ARHGAP15: variants seen among roughly 807,000 people sequenced by gnomAD.
ARHGAP15 encodes the protein Rho GTPase activating protein 15.
A neutral mutation model predicts 63.7 loss-of-function variants in ARHGAP15; 51 were observed. The ratio of observed to expected loss-of-function variants is 0.80; its 90% CI spans 0.64 to 1.01. The LOEUF is 1.01. ARHGAP15 is among the 50% of genes least tolerant of loss of function. The probability of loss-of-function intolerance (pLI) is 0.00; values close to 1 mark genes in which losing one functional copy is unlikely to be tolerated. For missense variants in ARHGAP15, 560 were observed against 564.6 expected, an observed-to-expected ratio of 0.99 and a Z score of 0.08; for synonymous variants, 191 against 193.8, an observed-to-expected ratio of 0.99 and a Z score of 0.12.
chr2:143,365,875 T>C (rs1686273027), intron 6 of ARHGAP15, among the ~76,000 whole-genome samples: 1 of 152,200 alleles, frequency 6.6e-6, no homozygotes, highest in Non-Finnish European at 1.5e-5. Flanking sequence ...ACCAGGTACA[T>C]ACTAAGAACT....
intron 11 of ARHGAP15, among the ~76,000 whole-genome samples, chr2:143,574,494 TA>T (rs1696590955): frequency 6.6e-6 from 1 of 151,608 alleles, no homozygotes; most frequent in Non-Finnish European, 1.5e-5. Context: ...ATAATAAAAT[TA>T]AAAAATAATA....
chr2:143,365,181 T>C (rs2105344951), intron 6 of ARHGAP15, among the ~76,000 whole-genome samples: 1 of 152,344 alleles, frequency 6.6e-6, no homozygotes. Flanking sequence ...ACCCAATTTG[T>C]GTTAAAACCT....
intron 6 of ARHGAP15, among the ~76,000 whole-genome samples, chr2:143,360,313 A>T (rs1349436351): frequency 6.6e-6 from 1 of 151,966 alleles, no homozygotes; most frequent in African/African-American, 2.4e-5. Context: ...TTAGCCCAAG[A>T]GTTTGAGGTT....
intron 2 of ARHGAP15, among the ~76,000 whole-genome samples, chr2:143,201,305 T>A (rs1055794916): frequency 6.6e-6 from 1 of 151,826 alleles, no homozygotes; most frequent in South Asian, 2.1e-4. Flanking sequence ...ATTTTTTTTG[T>A]AGAGTTGGAG....
intron 5 of ARHGAP15, among the ~76,000 whole-genome samples, chr2:143,233,816 G>A (rs996874905): frequency 6.6e-6 from 1 of 151,382 alleles, no homozygotes; most frequent in African/African-American, 2.4e-5. Context: ...GGCTAATTTT[G>A]GTATATTTAG....
At chr2:143,262,535 A>ATTTGTTTTTTTTTTTTTTT (rs1680774200) in intron 6 of ARHGAP15, among the ~76,000 whole-genome samples, 1 of 90,924 alleles carries the variant, frequency 1.1e-5, no homozygotes, top group African/African-American at 4.7e-5. Flanking sequence ...TGAACCTTTG[A>ATTTGTTTTTTTTTTTTTTT]TTTTTTTTTT....
intron 13 of ARHGAP15, chr2:143,766,775 T>A (rs1686959768): frequency 6.6e-6 from 1 of 152,172 alleles, no homozygotes; most frequent in African/African-American, 2.4e-5. Context: ...TAGATGGCAA[T>A]CTGGTTCGGT....
At chr2:143,191,685 C>G (rs1408596090) in intron 2 of ARHGAP15, among the ~76,000 whole-genome samples, 1 of 152,194 alleles carries the variant, frequency 6.6e-6, no homozygotes, top group East Asian at 1.9e-4. Context: ...AATCATACCA[C>G]AGCAATCAGA....
At chr2:143,357,052 C>T (rs555164534) in intron 6 of ARHGAP15, among the ~76,000 whole-genome samples, 2 of 152,288 alleles carry the variant, frequency 1.3e-5, no homozygotes, top group South Asian at 4.2e-4. Context: ...ATTTATGTTG[C>T]ACTTTTTTTC....
rs1558897974 is a variant in ARHGAP15, at chr2:143,330,123, AAAAAAAAACC to A, written c.474+79529_474+79538del. On this transcript the variant is annotated intron_variant, in intron 6 of 13. Transcript: ENST00000295095. Reference sequence around the variant, plus strand: ...AAAAAAAAAAAAAAAAAAAAAAAAAAAAAAAAAACCAAAAACAAAAAACTAAACTAATGAT... The same window carrying A: ...AAAAAAAAAAAAAAAAAAAAAAAAAAAAAAACAAAAAACTAAACTAATGAT... Among the ~76,000 whole-genome samples, 9 of 84,978 alleles carry A rather than the reference AAAAAAAAACC, an allele frequency of 1.1e-4. 1 individual carries two copies. Among genetic ancestry groups the A allele is most frequent in the East Asian group, 3.7e-4 (1 of 2,714 alleles). 55.7% of individuals were successfully genotyped at this position (84,978 alleles called of 152,430 possible). A position where few individuals can be genotyped will look rare whatever the true frequency, so the allele number is the denominator to read the frequency against.
chr2:143,480,472 TCTA>T (rs1558999780), intron 8 of ARHGAP15, among the ~76,000 whole-genome samples: 2 of 152,192 alleles, frequency 1.3e-5, no homozygotes, highest in African/African-American at 4.8e-5. Flanking sequence ...AATCTAATTG[TCTA>T]TTTTGTATTT....
At chr2:143,729,386 C>T (rs1445818487) in intron 13 of ARHGAP15, among the ~76,000 whole-genome samples, 4 of 152,170 alleles carry the variant, frequency 2.6e-5, no homozygotes, top group African/African-American at 7.2e-5. Flanking sequence ...CAATTTAATA[C>T]AGTCTTTCAT....
chr2:143,558,616 AAGGTAGG>A lies in ARHGAP15; in HGVS notation c.1003+2133_1003+2139del, dbSNP rs1274668982. Among the ~76,000 whole-genome samples, 10 of 152,312 alleles carry A rather than the reference AAGGTAGG, an allele frequency of 6.6e-5. No homozygotes were observed. In the East Asian group the frequency reaches 1.9e-3, roughly 29 times the overall value. Reference sequence around the variant, plus strand: ...TCTGTCTCTTTCACAAATCTCTAAAAAGGTAGGACTTGAATCATCCTTGTATCTTTTC... The same window carrying A: ...TCTGTCTCTTTCACAAATCTCTAAAAACTTGAATCATCCTTGTATCTTTTC... On this transcript the variant is annotated intron_variant, in intron 11 of 13. Coordinates refer to ENST00000295095, the MANE Select transcript of ARHGAP15 (RefSeq NM_018460.4).
chr2:143,444,964 A>G (rs767438110), intron 8 of ARHGAP15, among the ~76,000 whole-genome samples: 5 of 152,028 alleles, frequency 3.3e-5, no homozygotes, highest in Non-Finnish European at 5.9e-5. Context: ...TAGTACCTGA[A>G]ATCAGTTGTT....
intron 8 of ARHGAP15, among the ~76,000 whole-genome samples, chr2:143,473,760 G>A (rs943526455): frequency 2.0e-5 from 3 of 152,020 alleles, no homozygotes; most frequent in Admixed American, 6.6e-5. Context: ...TTTTCCTTTC[G>A]ATTTTAAACC....
intron 10 of ARHGAP15, among the ~76,000 whole-genome samples, chr2:143,533,679 A>G (rs868444963): frequency 6.6e-6 from 1 of 152,214 alleles, no homozygotes; most frequent in Non-Finnish European, 1.5e-5. Context: ...TTCTAAAAGC[A>G]TGCTGTGTTT....
At chr2:143,168,688 C>A (rs1690645907) in intron 2 of ARHGAP15, among the ~76,000 whole-genome samples, 1 of 151,946 alleles carries the variant, frequency 6.6e-6, no homozygotes, top group Non-Finnish European at 1.5e-5. Context: ...TTAAGTGAAG[C>A]CGTGCACTTG....
chr2:143,318,381 T>C (rs1683826167), intron 6 of ARHGAP15, among the ~76,000 whole-genome samples: 1 of 152,118 alleles, frequency 6.6e-6, no homozygotes, highest in African/African-American at 2.4e-5. Context: ...CCAGTGATTA[T>C]GGATATTATC....
chr2:143,566,584 G>C (rs986981474), intron 11 of ARHGAP15, among the ~76,000 whole-genome samples: 1 of 152,044 alleles, frequency 6.6e-6, no homozygotes, highest in Admixed American at 6.5e-5. Flanking sequence ...CTCTCTCTCT[G>C]ACCTCACTGT....
Sources: allele counts gnomAD v4.1 joint callset (sites outside exome capture counted in the v4.1 genomes callset), GRCh38; gene constraint gnomAD v4.1.1; transcripts MANE v1.5; gene names NCBI Gene and HGNC (gene_info 2026-07-23, HGNC 2026-07-21).